The following ABHD2 variants were observed in gnomAD, a reference collection of about 807,000 sequenced individuals.
ABHD2 encodes monoacylglycerol lipase ABHD2.
In ABHD2, 20 loss-of-function variants were observed where a neutral mutation model predicts 48.1. The ratio of observed to expected loss-of-function variants is 0.42; its 90% CI spans 0.29 to 0.60. The LOEUF is 0.60. ABHD2 is among the 20% of genes least tolerant of loss of function. ABHD2 has a pLI of 0.24. For missense variants in ABHD2, 405 were observed against 550.9 expected, an observed-to-expected ratio of 0.74 and a Z score of 2.65; for synonymous variants, 209 against 214.2, an observed-to-expected ratio of 0.98 and a Z score of 0.21.
In ABHD2 at chr15:89,104,968, A is replaced by C. The variant is rs1417648948; in HGVS notation, c.-106-8757A>C. On this transcript the variant is annotated intron_variant, in intron 1 of 10. Coordinates refer to ENST00000352732, the MANE Select transcript of ABHD2 (RefSeq NM_152924.5). The surrounding 1 kb of genome is among the most constrained non-coding windows in gnomAD (Gnocchi z 4.4). ...AATTTAATTATGGTGTAGATTTTTA[A>C]AAATATGTTTAGGATAAATCTCACA... Among the ~76,000 whole-genome samples the C allele has an allele frequency of 6.6e-6, 1 of 150,920 alleles. No individual in the cohort carries two copies. The highest frequency in any genetic ancestry group is 1.5e-5 in the Non-Finnish European group (1 of 67,578).
In ABHD2 at chr15:89,189,467, C is replaced by T. The variant is rs1299079675; in HGVS notation, c.926+1164C>T. On this transcript the variant is annotated intron_variant, in intron 8 of 10. Transcript: ENST00000352732. This position sits in a 1 kb window ranked among gnomAD's most constrained non-coding sequence, Gnocchi z 4.9. ...ATGGTCCCAACACTGCACTGGAGCC[C>T]AGCCTGGGCAACAGAGCAAGGCCCT... 6.6e-6 allele frequency among the ~76,000 whole-genome samples: 1 copy of T among 152,178 alleles called. No homozygotes were observed. The highest frequency in any genetic ancestry group is 2.4e-5 in the African/African-American group (1 of 41,420).
chr15:89,114,255 CT>C lies in ABHD2; in HGVS notation c.-7+436del, dbSNP rs2049920911. On this transcript the variant is annotated intron_variant, in intron 2 of 10. Coordinates refer to ENST00000352732, the MANE Select transcript of ABHD2 (RefSeq NM_152924.5). This position sits in a 1 kb window ranked among gnomAD's most constrained non-coding sequence, Gnocchi z 4.2. ...TATGTACTTTTTTAGGCCACAGACC[CT>C]TTTTAGAGAATCTGATTAAAGCTGC... is the stretch of plus-strand genomic sequence containing the variant. 6.6e-6 allele frequency among the ~76,000 whole-genome samples: 1 copy of C among 152,074 alleles called. No homozygotes were observed. Among genetic ancestry groups the C allele is most frequent in the Non-Finnish European group, 1.5e-5 (1 of 68,018 alleles).
chr15:89,156,214 G>A (rs1484807548), intron 5 of ABHD2, among the ~76,000 whole-genome samples: 5 of 144,220 alleles, frequency 3.5e-5, no homozygotes, highest in Non-Finnish European at 1.5e-5. Context: ...TCCGCCTCCT[G>A]AGTTCACTCT....
chr15:89,126,588 A>T (rs542546080), intron 3 of ABHD2, among the ~76,000 whole-genome samples: 1 of 152,208 alleles, frequency 6.6e-6, no homozygotes, highest in Non-Finnish European at 1.5e-5. Flanking sequence ...CTCCTTCACT[A>T]TGATAGTACA....
In ABHD2 at chr15:89,114,347, C is replaced by T. The variant is rs1236553248; in HGVS notation, c.-7+523C>T. On this transcript the variant is annotated intron_variant, in intron 2 of 10. Coordinates refer to ENST00000352732, the MANE Select transcript of ABHD2 (RefSeq NM_152924.5). This position sits in a 1 kb window ranked among gnomAD's most constrained non-coding sequence, Gnocchi z 4.2. ...CACATGATTTCAGGGGGTTCTTAGA[C>T]CGCAGGATCCCACAGGGAACCCACA... 1.3e-5 allele frequency among the ~76,000 whole-genome samples: 2 copies of T among 152,166 alleles called. No individual in the cohort carries two copies. Among genetic ancestry groups the T allele is most frequent in the East Asian group, 3.9e-4 (2 of 5,192 alleles).
chr15:89,107,868 T>A (rs1305503587), intron 1 of ABHD2, among the ~76,000 whole-genome samples: 1 of 152,080 alleles, frequency 6.6e-6, no homozygotes, highest in East Asian at 1.9e-4. Flanking sequence ...GGAAGAGAGA[T>A]CTCCCCCTCC....
chr15:89,177,873 CACAAAATCTTAACACG>C lies in ABHD2; in HGVS notation c.722+1883_722+1898del, dbSNP rs1351918174. 6.6e-6 allele frequency among the ~76,000 whole-genome samples: 1 copy of C among 152,070 alleles called. No homozygotes were observed. The highest frequency in any genetic ancestry group is 6.6e-5 in the Admixed American group (1 of 15,260). On this transcript the variant is annotated intron_variant, in intron 6 of 10. Coordinates refer to ENST00000352732, the MANE Select transcript of ABHD2 (RefSeq NM_152924.5). This position sits in a 1 kb window ranked among gnomAD's most constrained non-coding sequence, Gnocchi z 5.6. ...TGTTTTGTTTTCTTTTTTTTCAATG[CACAAAATCTTAACACG>C]ACAATCCCTTCATCTCATTTTGCTG...
chr15:89,151,577 C>T lies in ABHD2; in HGVS notation c.195-100C>T. 3.7e-6 allele frequency: 5 copies of T among 1,345,758 alleles called. No homozygotes were observed. The highest frequency in any genetic ancestry group is 1.5e-5 in the African/African-American group (1 of 68,338). The allele number at this position is 1,345,758 out of a possible 1,614,324, so 83.4% of individuals were successfully genotyped here. A position where few individuals can be genotyped will look rare whatever the true frequency, so the allele number is the denominator to read the frequency against. ...TGTTTATGCTTTGTGTGCAGAATTT[C>T]CCTGGAACAAAAATAGGTTGAAAGA... is the stretch of plus-strand genomic sequence containing the variant. On this transcript the variant is annotated intron_variant, in intron 3 of 10. Coordinates refer to ENST00000352732, the MANE Select transcript of ABHD2 (RefSeq NM_152924.5). The surrounding 1 kb of genome is among the most constrained non-coding windows in gnomAD (Gnocchi z 4.7).
the ABHD2 span, among the ~76,000 whole-genome samples, chr15:89,073,679 C>T: frequency 1.3e-5 from 2 of 152,166 alleles, no homozygotes; most frequent in African/African-American, 4.8e-5. Flanking sequence ...CCATGCGAAG[C>T]ATCTCGGGAT....
At chr15:89,049,783 A>G in the ABHD2 span, among the ~76,000 whole-genome samples, 1 of 152,184 alleles carries the variant, frequency 6.6e-6, no homozygotes, top group Admixed American at 6.5e-5. Flanking sequence ...ACCTGCGCCC[A>G]CTGTCTGGCA....
the ABHD2 span, among the ~76,000 whole-genome samples, chr15:89,048,817 T>G: frequency 6.6e-6 from 1 of 151,828 alleles, no homozygotes; most frequent in Non-Finnish European, 1.5e-5. Context: ...TTTTCAAAGT[T>G]TTCAACTTCC....
At chr15:89,169,602 G>A (rs2050888198) in intron 5 of ABHD2, among the ~76,000 whole-genome samples, 1 of 152,190 alleles carries the variant, frequency 6.6e-6, no homozygotes, top group East Asian at 1.9e-4. Context: ...CGGTGGAGAA[G>A]TAAATATTTA....
At chr15:89,117,755 G>A (rs1218789047) in intron 3 of ABHD2, among the ~76,000 whole-genome samples, 1 of 152,234 alleles carries the variant, frequency 6.6e-6, no homozygotes, top group Non-Finnish European at 1.5e-5. Context: ...GGGGACACTG[G>A]GTGAATGATT....
Position 89,104,645 on chromosome 15 carries a change from A to G in ABHD2, c.-106-9080A>G. 6.6e-6 allele frequency among the ~76,000 whole-genome samples: 1 copy of G among 152,194 alleles called. No homozygotes were observed. The highest frequency in any genetic ancestry group is 6.5e-5 in the Admixed American group (1 of 15,284). ...GTAGCTGTAAGTCCTTTTCTGTTGC[A>G]GGTCTGGGTGAAACTTTCTTCTTTG... On this transcript the variant is annotated intron_variant, in intron 1 of 10. Transcript: ENST00000352732. The surrounding 1 kb of genome is among the most constrained non-coding windows in gnomAD (Gnocchi z 4.4).
chr15:89,154,726 G>A (rs991909015), intron 4 of ABHD2, among the ~76,000 whole-genome samples: 1 of 152,120 alleles, frequency 6.6e-6, no homozygotes, highest in Non-Finnish European at 1.5e-5. Flanking sequence ...TTATTTTTAA[G>A]GGCTTCATAA....
chr15:89,152,263 T>C (rs899835705), intron 4 of ABHD2, among the ~76,000 whole-genome samples: 8 of 152,050 alleles, frequency 5.3e-5, no homozygotes, highest in African/African-American at 1.9e-4. Flanking sequence ...GTATTTTTAG[T>C]AGAGACGGGT....
chr15:89,176,547 C>G lies in ABHD2; in HGVS notation c.722+552C>G, dbSNP rs876989. ...TACTGGGTCAAGCTTTCTCCCACCC[C>G]TTAGTCTCTTGCCAGTAGATGCCCC... On this transcript the variant is annotated intron_variant, in intron 6 of 10. Transcript: ENST00000352732. This position sits in a 1 kb window ranked among gnomAD's most constrained non-coding sequence, Gnocchi z 4.5. Among the ~76,000 whole-genome samples the G allele has an allele frequency of 0.1, 15,446 of 152,138 alleles. 2,542 individuals are homozygous for G. Among genetic ancestry groups the G allele is most frequent in the African/African-American group, 0.35 (14,417 of 41,424 alleles).
intron 2 of ABHD2, among the ~76,000 whole-genome samples, chr15:89,115,359 T>C (rs2049937757): frequency 6.7e-6 from 1 of 149,148 alleles, no homozygotes; most frequent in African/African-American, 2.5e-5. Context: ...TGGTTTTATA[T>C]GTTTGGAGGT....
intron 3 of ABHD2, among the ~76,000 whole-genome samples, chr15:89,149,856 G>GTGGA (rs1465498347): frequency 2.6e-5 from 4 of 152,238 alleles, no homozygotes; most frequent in African/African-American, 9.6e-5. Flanking sequence ...GACCCATGCA[G>GTGGA]TGGAGGGTGG....
Sources: gnomAD v4.1 joint callset for allele counts (sites outside exome capture counted in the v4.1 genomes callset) on GRCh38, gnomAD v4.1.1 for gene constraint, Gnocchi (gnomAD v3.1) non-coding constraint, MANE v1.5 for transcripts, NCBI Gene and HGNC (gene_info 2026-07-23, HGNC 2026-07-21) for gene names.